Variants in ABHD5 observed in about 807,000 individuals in gnomAD.
ABHD5 encodes 1-acylglycerol-3-phosphate O-acyltransferase ABHD5.
Under a neutral mutation model 44.9 loss-of-function variants are expected in ABHD5, and 30 were observed. The observed-to-expected ratio is 0.67, with a 90% CI of 0.50 to 0.91. The LOEUF (loss-of-function observed/expected upper bound fraction) is 0.91. ABHD5 is among the 40% of genes least tolerant of loss of function. The pLI is 0.00. For missense variants in ABHD5, 399 were observed against 423.4 expected (o/e 0.94, Z 0.50); for synonymous variants, 167 against 147.0 (o/e 1.14, Z -0.99).
At position 43,699,306 on chromosome 3, in the gene ABHD5, A is replaced by G. The variant is rs1011019765; in HGVS notation, c.78A>G (p.Thr26=). The change falls in exon 2 of 7, where the codon ACA becomes ACG. Residue 26 remains threonine, a synonymous_variant. Transcript: ENST00000644371. The part of the protein sequence containing the change: ...RSGWLTGWLP[T]WCPTSISHLK... The stretch of plus-strand genomic sequence containing the variant: ...GATGGCTAACTGGTTGGCTCCCCAC[A>G]TGGTGCCCTACGTCTATATCACACC... 9.3e-6 allele frequency: 15 copies of G among 1,613,980 alleles called. No individual in the cohort carries two copies. Among genetic ancestry groups the G allele is most frequent in the Non-Finnish European group, 1.3e-5 (15 of 1,179,954 alleles).
In ABHD5 at chr3:43,699,281, G is replaced by A. The variant is rs768107615; in HGVS notation, c.53G>A (p.Gly18Glu). ...TTTTGTTTTTGGTGCTCTAGGTCAG[G>A]ATGGCTAACTGGTTGGCTCCCCACA... ...VDSADTGERS[G>E]WLTGWLPTWC... Residue 18 changes from glycine (G) to glutamate (E), a missense_variant, in exon 2 of 7, where the codon GGA (glycine) becomes GAA (glutamate). By Grantham distance (98) the Gly-to-Glu change is moderately conservative. Transcript: ENST00000644371. The A allele has an allele frequency of 3.1e-6, 5 of 1,613,908 alleles. No individual in the cohort carries two copies. The highest frequency in any genetic ancestry group is 4.2e-6 in the Non-Finnish European group (5 of 1,179,790).
Position 43,691,012 on chromosome 3 carries a change from A to G in ABHD5, c.20A>G (p.Glu7Gly). 2 of 1,563,602 alleles carry G rather than the reference A, an allele frequency of 1.3e-6. No homozygotes were observed. Among genetic ancestry groups the G allele is most frequent in the South Asian group, 1.2e-5 (1 of 86,432 alleles). Residue 7 changes from glutamate (E) to glycine (G), a missense_variant, in exon 1 of 7, where the codon GAG becomes GGG. Coordinates refer to ENST00000644371, the MANE Select transcript of ABHD5 (RefSeq NM_016006.6). ...GCGGCTATGGCGGCGGAGGAGGAGG[A>G]GGTGGACTCTGCCGACACCGGAGAG... is the stretch of plus-strand genomic sequence containing the variant. Reference protein sequence around the residue: MAAEEEEVDSADTGERS... With the variant: MAAEEEGVDSADTGERS...
downstream of ABHD5, among the ~76,000 whole-genome samples, chr3:43,726,203 G>A (rs1351415403): frequency 1.3e-5 from 2 of 152,082 alleles, no homozygotes; most frequent in African/African-American, 2.4e-5. Flanking sequence ...TTTATAATTG[G>A]AAGTCACAGC....
chr3:43,690,936 C>G (rs1338264247), upstream of ABHD5: 53 of 1,531,600 alleles, frequency 3.5e-5, no homozygotes, highest in East Asian at 1.6e-4. Context: ...CCGGGGCGGC[C>G]CAGTCGGCCT....
At chr3:43,715,265 A>G (rs1405551019) in intron 5 of ABHD5, among the ~76,000 whole-genome samples, 3 of 152,058 alleles carry the variant, frequency 2.0e-5, no homozygotes, top group East Asian at 3.9e-4. Flanking sequence ...GGTTCAAGCA[A>G]TTCTCCTGCT....
Position 43,702,770 on chromosome 3 carries a change from A to G in ABHD5, c.506+183A>G, listed in dbSNP as rs551827375. ...TGAAATAATCATGTCAGATCTTCCT[A>G]TTACACGTACTACATGTTAATAGGC... On this transcript the variant is annotated intron_variant, in intron 3 of 6. Coordinates refer to ENST00000644371, the MANE Select transcript of ABHD5 (RefSeq NM_016006.6). Among the ~76,000 whole-genome samples, 9 of 152,318 alleles carry G rather than the reference A, an allele frequency of 5.9e-5. No homozygotes were observed. The South Asian group carries it at 8.3e-4, about 14-fold the overall frequency.
intron 5 of ABHD5, 29 bp from the exon 6 acceptor site, chr3:43,717,642 A>T: frequency 6.2e-7 from 1 of 1,610,804 alleles, no homozygotes; most frequent in Non-Finnish European, 8.5e-7. Flanking sequence ...CAAAAATCAT[A>T]CATCGTGATT....
chr3:43,719,862 G>A lies in ABHD5; in HGVS notation c.*1330G>A, dbSNP rs1343273961. The stretch of plus-strand genomic sequence containing the variant: ...AAAGGTAGCTATGTAAATAAAAACA[G>A]TGAACTAGAGCAAATAGTGGTTTAA... On this transcript the variant is annotated 3_prime_UTR_variant, in exon 7 of 7. Coordinates refer to ENST00000644371, the MANE Select transcript of ABHD5 (RefSeq NM_016006.6). 2 of 149,418 alleles carry A rather than the reference G, an allele frequency of 1.3e-5. No homozygotes were observed. The allele number at this position is 149,418 out of a possible 1,614,324, so 9.3% of individuals were successfully genotyped here. A position where few individuals can be genotyped will look rare whatever the true frequency, so the allele number is the denominator to read the frequency against.
chr3:43,699,554 T>C, intron 2 of ABHD5, 193 bp downstream of exon 2: 1 of 590,670 alleles, frequency 1.7e-6, no homozygotes, highest in South Asian at 1.9e-5. Context: ...TAAAACTTTT[T>C]GGTCTTGGGC....
At chr3:43,703,625 AT>A (rs1260715870) in intron 3 of ABHD5, among the ~76,000 whole-genome samples, 2 of 152,182 alleles carry the variant, frequency 1.3e-5, no homozygotes, top group Non-Finnish European at 2.9e-5. Context: ...TGAATACAGC[AT>A]TTTTGTGTTG....
intron 3 of ABHD5, among the ~76,000 whole-genome samples, chr3:43,707,990 C>T (rs890696025): frequency 1.3e-5 from 2 of 152,198 alleles, no homozygotes; most frequent in Non-Finnish European, 2.9e-5. Context: ...TCATGAAGGT[C>T]AGGCTTATCT....
chr3:43,724,877 A>T (rs191986477), downstream of ABHD5, among the ~76,000 whole-genome samples: 9 of 152,294 alleles, frequency 5.9e-5, no homozygotes, highest in East Asian at 1.7e-3. Context: ...GAGAAGGACA[A>T]TTCTTCCTGT....
chr3:43,704,784 A>G (rs530262993), intron 3 of ABHD5, among the ~76,000 whole-genome samples: 34 of 152,370 alleles, frequency 2.2e-4, no homozygotes, highest in African/African-American at 7.7e-4. Flanking sequence ...ATTTTAGAAA[A>G]TGGTTTTTGA....
chr3:43,706,529 G>A (rs955372004), intron 3 of ABHD5, among the ~76,000 whole-genome samples: 17 of 151,386 alleles, frequency 1.1e-4, no homozygotes, highest in South Asian at 8.4e-4. Flanking sequence ...GTGCAGTGGC[G>A]CAATCATAGC....
rs1430413946 is a variant in ABHD5, at chr3:43,717,389, C to T, written c.774-282C>T. On this transcript the variant is annotated intron_variant, in intron 5 of 6. Transcript: ENST00000644371. ...GACAAAAAAACATATTTTTAACTAT[C>T]TCCACAATAAATAATTTAATGATAG... 2.0e-5 allele frequency among the ~76,000 whole-genome samples: 3 copies of T among 152,232 alleles called. No homozygotes were observed. In the South Asian group the frequency reaches 6.2e-4, roughly 32 times the overall value.
rs2084839692 is a variant in ABHD5, at chr3:43,721,787, GAGA to G, written c.*3260_*3262del. 1 of 152,120 alleles carries G rather than the reference GAGA, an allele frequency of 6.6e-6. No individual in the cohort carries two copies. Among genetic ancestry groups the G allele is most frequent in the African/African-American group, 2.4e-5 (1 of 41,410 alleles). The allele number at this position is 152,120 out of a possible 1,614,324, so 9.4% of individuals were successfully genotyped here. A position where few individuals can be genotyped will look rare whatever the true frequency, so the allele number is the denominator to read the frequency against. ...CTATATATGAAGAATTTTAAACTAT[GAGA>G]AGAACCCGAAGAATAGGCAAAAGGA... is the stretch of plus-strand genomic sequence containing the variant. On this transcript the variant is annotated 3_prime_UTR_variant, in exon 7 of 7. Transcript: ENST00000644371.
At chr3:43,692,021 G>T in intron 1 of ABHD5, among the ~76,000 whole-genome samples, 1 of 152,178 alleles carries the variant, frequency 6.6e-6, no homozygotes, top group African/African-American at 2.4e-5. Context: ...TTAATGAGTG[G>T]AATAATTAAA....
chr3:43,722,796 TTTAC>T (rs2084851611), downstream of ABHD5: 1 of 152,204 alleles, frequency 6.6e-6, no homozygotes, highest in South Asian at 2.1e-4. Flanking sequence ...AAAACAAATA[TTTAC>T]TTGTGTCATT....
downstream of ABHD5, among the ~76,000 whole-genome samples, chr3:43,727,602 T>C (rs893965417): frequency 6.6e-6 from 1 of 152,036 alleles, no homozygotes; most frequent in Admixed American, 6.5e-5. Flanking sequence ...TACTACTGTT[T>C]TTTGTTTGTT....
Sources: allele counts gnomAD v4.1 joint callset (sites outside exome capture counted in the v4.1 genomes callset), GRCh38; gene constraint gnomAD v4.1.1; transcripts MANE v1.5; gene names NCBI Gene and HGNC (gene_info 2026-07-23, HGNC 2026-07-21).